PCDH15: variants seen among roughly 807,000 people sequenced by gnomAD.
PCDH15 encodes protocadherin-15.
In PCDH15, 129 loss-of-function variants were observed where a neutral mutation model predicts 178.5. The ratio of observed to expected loss-of-function variants is 0.72; its 90% confidence interval spans 0.63 to 0.84. The LOEUF (loss-of-function observed/expected upper bound fraction) is 0.84, where lower values mean the gene tolerates loss of function less well. Ranked by LOEUF, PCDH15 falls within the 40% of genes least tolerant of loss-of-function variation. PCDH15 has a pLI of 0.00. For missense variants in PCDH15, 2,230 were observed against 2,099.9 expected, an observed-to-expected ratio of 1.06 and a Z score of -1.21; for synonymous variants, 800 against 732.0, an observed-to-expected ratio of 1.09 and a Z score of -1.50.
intron 37 of PCDH15, chr10:53,809,048 C>G (rs1313571050): frequency 6.2e-7 from 1 of 1,610,286 alleles, no homozygotes; most frequent in Non-Finnish European, 8.5e-7. Flanking sequence ...ACCTCCTCAA[C>G]CATGGGCCTT....
intron 2 of PCDH15, among the ~76,000 whole-genome samples, chr10:55,065,897 T>C (rs1171891058): frequency 6.6e-6 from 1 of 152,044 alleles, no homozygotes; most frequent in Non-Finnish European, 1.5e-5. Flanking sequence ...TAAATGGAGA[T>C]TAAAAACTAT....
At chr10:53,889,086 G>T (rs2081378032) in intron 26 of PCDH15, among the ~76,000 whole-genome samples, 2 of 151,056 alleles carry the variant, frequency 1.3e-5, no homozygotes, top group Admixed American at 1.3e-4. Flanking sequence ...ATCCCATATG[G>T]ACTGTAAATC....
intron 2 of PCDH15, among the ~76,000 whole-genome samples, chr10:54,623,716 C>A (rs1375969112): frequency 6.6e-6 from 1 of 152,052 alleles, no homozygotes; most frequent in Non-Finnish European, 1.5e-5. Context: ...ATTAAAAATT[C>A]ATTTTCTTAA....
At chr10:55,338,955 C>T (rs952742341) in intron 2 of PCDH15, among the ~76,000 whole-genome samples, 4 of 151,914 alleles carry the variant, frequency 2.6e-5, no homozygotes, top group Admixed American at 1.3e-4. Flanking sequence ...AAAGACTACT[C>T]TGGAGTAGAA....
intron 2 of PCDH15, among the ~76,000 whole-genome samples, chr10:55,148,820 C>G (rs1012610346): frequency 8.1e-5 from 12 of 148,928 alleles, no homozygotes; most frequent in South Asian, 2.1e-4. Flanking sequence ...ATACAGCAGT[C>G]TATTTCAACA....
At chr10:54,463,053 A>G (rs2077298255) in intron 3 of PCDH15, among the ~76,000 whole-genome samples, 1 of 152,174 alleles carries the variant, frequency 6.6e-6, no homozygotes, top group African/African-American at 2.4e-5. Flanking sequence ...TAAGCTCGTT[A>G]TAAGATCAAT....
intron 3 of PCDH15, 98 bp downstream of exon 3, chr10:54,527,714 A>G: frequency 2.1e-6 from 2 of 959,536 alleles, no homozygotes; most frequent in South Asian, 2.0e-5. Context: ...TTGGGTTGAA[A>G]CTTTCATTTT....
intron 21 of PCDH15, among the ~76,000 whole-genome samples, chr10:53,962,559 C>T (rs563148766): frequency 7.2e-5 from 11 of 152,192 alleles, no homozygotes; most frequent in Admixed American, 3.3e-4. Flanking sequence ...AAGTTAATGA[C>T]GCTAACAATT....
intron 13 of PCDH15, among the ~76,000 whole-genome samples, chr10:54,163,330 G>C (rs1029504120): frequency 6.6e-6 from 1 of 152,070 alleles, no homozygotes; most frequent in Non-Finnish European, 1.5e-5. Flanking sequence ...CAGGAAGCAT[G>C]ACTGGGAGGC....
At chr10:54,742,355 A>G (rs2132827612) in intron 1 of PCDH15, among the ~76,000 whole-genome samples, 1 of 152,140 alleles carries the variant, frequency 6.6e-6, no homozygotes, top group East Asian at 1.9e-4. Flanking sequence ...GGCTGGGGAA[A>G]TTGGGAATAC....
At chr10:54,795,652 T>C (rs1217265078) in intron 1 of PCDH15, among the ~76,000 whole-genome samples, 1 of 151,930 alleles carries the variant, frequency 6.6e-6, no homozygotes, top group Non-Finnish European at 1.5e-5. Context: ...AGGCCACAAA[T>C]GAAATATGCT....
rs573026023 is a variant in PCDH15, at chr10:55,211,497, G to C, written c.-155-44846C>G. Among the ~76,000 whole-genome samples the C allele has an allele frequency of 3.3e-5, 5 of 152,158 alleles. No homozygotes were observed. The South Asian group carries it at 1.0e-3, about 32-fold the overall frequency. On this transcript the variant is annotated intron_variant, in intron 1 of 5. Transcript: ENST00000458638. ...ATTTAGGGAAAAAGAAATTCACATA[G>C]AGCTATCAAACTAGTGTTAAGTGCT...
At position 54,551,154 on chromosome 10, in the gene PCDH15, C is replaced by CAAAAA. The variant is rs57337778; in HGVS notation, c.92-23282_92-23278dup. Among the ~76,000 whole-genome samples the CAAAAA allele has an allele frequency of 8.1e-3, 424 of 52,186 alleles. 12 individuals carry two copies. Among genetic ancestry groups the CAAAAA allele is most frequent in the East Asian group, 0.011 (27 of 2,396 alleles). 34.2% of individuals were successfully genotyped at this position (52,186 alleles called of 152,430 possible). On this transcript the variant is annotated intron_variant, in intron 2 of 37. Coordinates refer to ENST00000644397, the MANE Select transcript of PCDH15 (RefSeq NM_001384140.1). ...TGGGCTACAGGCTGAGACTCTGTCT[C>CAAAAA]AAAAAAAAAAAAAAAAAAAAAAAAT...
At chr10:53,835,384 A>G (rs1004429897) in intron 29 of PCDH15, among the ~76,000 whole-genome samples, 1 of 152,198 alleles carries the variant, frequency 6.6e-6, no homozygotes, top group South Asian at 2.1e-4. Flanking sequence ...TAATTAAACT[A>G]TATTTTAAAG....
chr10:53,931,719 T>C (rs1027251023), intron 25 of PCDH15, among the ~76,000 whole-genome samples: 1 of 152,122 alleles, frequency 6.6e-6, no homozygotes, highest in African/African-American at 2.4e-5. Context: ...TTTAAAAAAA[T>C]TGTTAATAGT....
intron 18 of PCDH15, among the ~76,000 whole-genome samples, chr10:54,049,871 G>A (rs995092762): frequency 3.9e-5 from 6 of 152,140 alleles, no homozygotes; most frequent in East Asian, 1.9e-4. Flanking sequence ...CACCCTCCTC[G>A]GCCTCCCAAA....
chr10:54,131,850 C>A (rs983841039), intron 15 of PCDH15, among the ~76,000 whole-genome samples: 5 of 152,160 alleles, frequency 3.3e-5, no homozygotes, highest in African/African-American at 1.2e-4. Flanking sequence ...GTTATTTTTG[C>A]ATCATTTTCA....
chr10:54,451,990 C>T (rs2076509891), intron 3 of PCDH15, among the ~76,000 whole-genome samples: 1 of 151,768 alleles, frequency 6.6e-6, no homozygotes, highest in Admixed American at 6.6e-5. Context: ...TGCTTGATGC[C>T]AGGAGCTCTA....
Position 54,183,575 on chromosome 10 carries a change from C to G in PCDH15, c.1459G>C (p.Val487Leu), listed in dbSNP as rs1481924208. Residue 487 changes from valine to leucine, a missense_variant, in exon 13 of 38, where the codon GTA (valine) becomes CTA (leucine). By Grantham distance (32) the Val-to-Leu change is conservative. Transcript: ENST00000644397. ...ACGATGACTGGCTCACTTTCTTGTA[C>G]ACCATCAAATGCTGTTATCTTTGGG... ...YTFSITAFDG[V>L]QESEPVIVNI... 2 of 1,613,828 alleles carry G rather than the reference C, an allele frequency of 1.2e-6. No homozygotes were observed. Among genetic ancestry groups the G allele is most frequent in the Non-Finnish European group, 1.7e-6 (2 of 1,179,978 alleles).
Sources: allele counts gnomAD v4.1 joint callset (sites outside exome capture counted in the v4.1 genomes callset), GRCh38; gene constraint gnomAD v4.1.1; transcripts MANE v1.5; gene names NCBI Gene and HGNC (gene_info 2026-07-23, HGNC 2026-07-21).